The following OTOA variants were observed in gnomAD, a reference collection of about 807,000 sequenced individuals.
The protein encoded by OTOA is cancer/testis antigen 108.
In OTOA, 70 loss-of-function variants were observed where a neutral mutation model predicts 110.8. The observed-to-expected ratio is 0.63, with a 90% CI of 0.52 to 0.77. The LOEUF (loss-of-function observed/expected upper bound fraction) is 0.77, where lower values mean the gene tolerates loss of function less well. OTOA is among the 30% of genes least tolerant of loss of function. The pLI, the probability that OTOA is intolerant of heterozygous loss-of-function variation, is 0.00. For missense variants in OTOA, 917 were observed against 1,075.8 expected (o/e 0.85, Z 2.06); for synonymous variants, 373 against 431.5 (o/e 0.86, Z 1.68).
chr16:21,683,024 C>T (rs930400341), intron 6 of OTOA, among the ~76,000 whole-genome samples: 1 of 152,186 alleles, frequency 6.6e-6, no homozygotes, highest in Non-Finnish European at 1.5e-5. Flanking sequence ...GATGTATCCA[C>T]TTTAATCTGA....
chr16:21,715,067 A>G lies in OTOA; in HGVS notation c.1403A>G (p.Lys468Arg). The G allele has an allele frequency of 1.2e-6, 2 of 1,614,206 alleles. No homozygotes were observed. Among genetic ancestry groups the G allele is most frequent in the Non-Finnish European group, 1.7e-6 (2 of 1,180,026 alleles). ...CAGGCCTTCTGCAGCATGAAACGCA[A>G]GGACATCTCGCAGGTCCTGAGAAGT... is the stretch of plus-strand genomic sequence containing the variant. The part of the protein sequence containing the change: ...STQAFCSMKR[K>R]DISQVLRSAV... The change falls in exon 14 of 29, where the codon AAG (lysine) becomes AGG (arginine). Residue 468 changes from lysine (K) to arginine (R), a missense_variant. By Grantham distance (26) the Lys-to-Arg change is conservative (BLOSUM62 2). Transcript: ENST00000646100.
chr16:21,691,505 C>T (rs1480165842), intron 8 of OTOA, 79 bp from the exon 9 acceptor site: 2 of 1,185,390 alleles, frequency 1.7e-6, no homozygotes, highest in Non-Finnish European at 1.2e-6. Context: ...CTTTGGGTCA[C>T]ATTTGCTGTT....
At chr16:21,696,550 A>G (rs1897944478) in intron 9 of OTOA, among the ~76,000 whole-genome samples, 1 of 152,120 alleles carries the variant, frequency 6.6e-6, no homozygotes, top group South Asian at 2.1e-4. Flanking sequence ...AGTCAAACAT[A>G]TTTCATGTTG....
chr16:21,686,387 C>A (rs1304934981), intron 7 of OTOA, among the ~76,000 whole-genome samples: 1 of 151,792 alleles, frequency 6.6e-6, no homozygotes, highest in Non-Finnish European at 1.5e-5. Context: ...ATCCTGAGCC[C>A]AAGTGATCCT....
intron 16 of OTOA, 51 bp from the exon 17 acceptor site, chr16:21,719,336 C>T (rs769147318): frequency 6.3e-7 from 1 of 1,581,334 alleles, no homozygotes; most frequent in Non-Finnish European, 8.7e-7. Flanking sequence ...CTCTTTCTTT[C>T]CTCTCCTCCT....
intron 23 of OTOA, among the ~76,000 whole-genome samples, chr16:21,744,391 C>T (rs1254320162): frequency 2.7e-5 from 4 of 150,068 alleles, no homozygotes; most frequent in Non-Finnish European, 6.0e-5. Flanking sequence ...ATGTGATCTG[C>T]ATGCCTTGGC....
intron 5 of OTOA, among the ~76,000 whole-genome samples, chr16:21,680,056 C>A (rs1966876706): frequency 6.6e-6 from 1 of 152,100 alleles, no homozygotes; most frequent in Non-Finnish European, 1.5e-5. Context: ...GTCTTGGGGC[C>A]TCATATCAGG....
Position 21,678,531 on chromosome 16 carries a change from C to T in OTOA, c.17C>T (p.Thr6Met), listed in dbSNP as rs144912852. Residue 6 changes from threonine to methionine, a missense_variant, in exon 2 of 29, where the codon ACG becomes ATG. Around this residue, in one of 6 missense-constraint regions of OTOA, gnomAD observed 840 missense variants for 910.2 expected, o/e 0.92. Coordinates refer to ENST00000646100, the MANE Select transcript of OTOA (RefSeq NM_144672.4). ...TACAGGAGAATGTCTCAGGAACCTA[C>T]GACATACTCCCTTTTCCTATTCCTT... MSQEP[T>M]TYSLFLFLFL... 8.7e-6 allele frequency: 14 copies of T among 1,613,174 alleles called. No homozygotes were observed. Among genetic ancestry groups the T allele is most frequent in the African/African-American group, 2.7e-5 (2 of 74,744 alleles).
chr16:21,703,815 G>A (rs976784121), intron 11 of OTOA, among the ~76,000 whole-genome samples: 1 of 152,158 alleles, frequency 6.6e-6, no homozygotes, highest in African/African-American at 2.4e-5. Flanking sequence ...ATGAATGAGT[G>A]CTTGGTTTCC....
At chr16:21,730,343 G>A (rs1228025607) in intron 20 of OTOA, 3 of 157,082 alleles carry the variant, frequency 1.9e-5, no homozygotes, top group Non-Finnish European at 4.2e-5. Flanking sequence ...ATTGAGGAGG[G>A]AGAAGAAGGA....
intron 7 of OTOA, 97 bp from the exon 8 acceptor site, chr16:21,687,316 C>G: frequency 1.0e-6 from 1 of 973,134 alleles, no homozygotes; most frequent in Non-Finnish European, 1.7e-6. Context: ...AAACAGTGAT[C>G]CTGACTTTCC....
chr16:21,734,686 A>G (rs1463597543), intron 21 of OTOA, among the ~76,000 whole-genome samples: 1 of 151,920 alleles, frequency 6.6e-6, no homozygotes, highest in African/African-American at 2.4e-5. Flanking sequence ...AAATACAAAA[A>G]ATTAGCCGGG....
intron 15 of OTOA, among the ~76,000 whole-genome samples, chr16:21,718,547 C>T (rs945011494): frequency 1.3e-5 from 2 of 152,156 alleles, no homozygotes; most frequent in East Asian, 3.9e-4. Context: ...CTCAAAGTTT[C>T]AGAGTCTATA....
intron 27 of OTOA, among the ~76,000 whole-genome samples, chr16:21,755,729 C>G (rs2141764055): frequency 6.8e-6 from 1 of 147,358 alleles, no homozygotes; most frequent in South Asian, 2.2e-4. Flanking sequence ...AACTCCTGAG[C>G]TCCGTTAATC....
At chr16:21,677,092 T>C (rs901871462) in intron 1 of OTOA, among the ~76,000 whole-genome samples, 1 of 152,340 alleles carries the variant, frequency 6.6e-6, no homozygotes, top group Non-Finnish European at 1.5e-5. Context: ...TGGAGATCCA[T>C]GTTTAACCTT....
intron 11 of OTOA, 119 bp downstream of exon 11, chr16:21,701,146 A>T: frequency 7.0e-7 from 1 of 1,432,292 alleles, no homozygotes; most frequent in Non-Finnish European, 9.7e-7. Flanking sequence ...ATCTCTTTGA[A>T]TAGTCCCATA....
chr16:21,687,995 T>C (rs957875764), intron 8 of OTOA, among the ~76,000 whole-genome samples: 4 of 152,010 alleles, frequency 2.6e-5, no homozygotes, highest in Non-Finnish European at 5.9e-5. Flanking sequence ...CACAGTATCC[T>C]TCAGGGGCTG....
intron 27 of OTOA, among the ~76,000 whole-genome samples, chr16:21,755,447 CGTGTGTGTGTGTGTGTGTGTGTGTGTGT>C (rs4016992): frequency 1.5e-5 from 1 of 68,610 alleles, no homozygotes; most frequent in Non-Finnish European, 3.1e-5. Context: ...ACCACCCCAC[CGTGTGTGTGTGTGTGTGTGTGTGTGTGT>C]GTGTGTGTGT....
chr16:21,711,592 C>A (rs1898356071), intron 13 of OTOA, among the ~76,000 whole-genome samples: 2 of 152,172 alleles, frequency 1.3e-5, no homozygotes, highest in South Asian at 2.1e-4. Context: ...CCTCAGCCTT[C>A]CGAGTAGCTG....
Sources: allele counts gnomAD v4.1 joint callset (sites outside exome capture counted in the v4.1 genomes callset), GRCh38; gene constraint gnomAD v4.1.1; regional missense constraint gnomAD v4.1.1; transcripts MANE v1.5; gene names NCBI Gene and HGNC (gene_info 2026-07-23, HGNC 2026-07-21).